Variants in SETX observed in about 807,000 individuals in gnomAD.
The protein encoded by SETX is senataxin, also known as helicase senataxin.
SETX carries 90 observed loss-of-function variants against 227.2 expected under a neutral mutation model. That is an observed-to-expected ratio of 0.40 (90% confidence interval 0.33 to 0.47). The LOEUF (loss-of-function observed/expected upper bound fraction) is 0.47. Ranked by LOEUF, SETX falls within the 20% of genes least tolerant of loss-of-function variation. The pLI, the probability that SETX is intolerant of heterozygous loss-of-function variation, is 0.91. For missense variants in SETX, 3,052 were observed against 3,181.5 expected (o/e 0.96, Z 0.98); for synonymous variants, 1,210 against 1,113.2 (o/e 1.09, Z -1.73).
chr9:132,264,967 G>A lies in SETX; in HGVS notation c.7306C>T (p.Gln2436Ter). Residue 2436 changes from glutamine to a stop codon, truncating the protein, a stop_gained, in exon 26 of 26, where the codon CAG becomes TAG. Coordinates refer to ENST00000224140, the MANE Select transcript of SETX (RefSeq NM_015046.7). LOFTEE classifies it low-confidence loss of function (END_TRUNC). ...CGCTTCTGAGCATCCTGAATCAGCTGATTCCAATGCTGGTTTTCCTTGAAA... is the reference window on the plus strand; with the variant it reads ...CGCTTCTGAGCATCCTGAATCAGCTAATTCCAATGCTGGTTTTCCTTGAAA... ...RTLMENQHWNQLIQDAQKRGA... is the reference protein window; with the variant it reads ...RTLMENQHWN 1.2e-6 allele frequency: 2 copies of A among 1,613,870 alleles called. No homozygotes were observed. Among genetic ancestry groups the A allele is most frequent in the South Asian group, 1.1e-5 (1 of 91,062 alleles).
At position 132,328,820 on chromosome 9, in the gene SETX, C is replaced by G; in HGVS notation, c.2778G>C (p.Glu926Asp). ...LMTVPESRDE[E>D]MSNSTSVIYS... ...AAATCACACTGGTACTATTACTCAT[C>G]TCCTCATCTCTTGATTCAGGTACAG... Residue 926 changes from glutamate (E) to aspartate (D), a missense_variant, in exon 10 of 26, where the codon GAG becomes GAC. Physicochemically the swap from Glu to Asp is conservative, Grantham distance 45. This residue lies in a region of SETX where 1,483 missense variants were observed against 1,312.0 expected (regional missense o/e 1.13). Transcript: ENST00000224140. 6.2e-7 allele frequency: 1 copy of G among 1,612,342 alleles called. No individual in the cohort carries two copies. The highest frequency in any genetic ancestry group is 8.5e-7 in the Non-Finnish European group (1 of 1,179,448).
At chr9:132,335,116 C>CAT (rs1554823005) in intron 6 of SETX, among the ~76,000 whole-genome samples, 6 of 151,864 alleles carry the variant, frequency 4.0e-5, no homozygotes, top group South Asian at 2.1e-4. Flanking sequence ...TGAGGCCGGG[C>CAT]GTGGTGGCTC....
At position 132,304,281 on chromosome 9, in the gene SETX, T is replaced by G. The variant is rs185237177; in HGVS notation, c.5375-3478A>C. Among the ~76,000 whole-genome samples, 27 of 152,198 alleles carry G rather than the reference T, an allele frequency of 1.8e-4. No homozygotes were observed. The East Asian group carries it at 4.8e-3, about 27-fold the overall frequency. ...CTGGCAGTACTTGAAACTCAAAGCT[T>G]CTGAGGGACAAGAGAAGAAGGGAGA... On this transcript the variant is annotated intron_variant, in intron 11 of 25. Transcript: ENST00000224140.
intron 17 of SETX, 112 bp downstream of exon 17, chr9:132,288,124 C>A: frequency 1.2e-6 from 1 of 820,746 alleles, no homozygotes. Flanking sequence ...TGCAGTGAGT[C>A]AGGATTGTGC....
intron 20 of SETX, among the ~76,000 whole-genome samples, chr9:132,280,317 A>G (rs1843428018): frequency 6.6e-6 from 1 of 152,198 alleles, no homozygotes; most frequent in Non-Finnish European, 1.5e-5. Flanking sequence ...GTTTTTATCA[A>G]TCATTGAAGT....
In SETX at chr9:132,271,795, C is replaced by T. The variant is rs150673589; in HGVS notation, c.7114G>A (p.Asp2372Asn). 3,077 of 1,613,594 alleles carry T rather than the reference C, an allele frequency of 1.9e-3. 37 individuals are homozygous for T. The Admixed American group carries it at 0.023, about 12-fold the overall frequency. The change falls in exon 24 of 26, where the codon GAC becomes AAC. Residue 2372 changes from aspartate to asparagine, a missense_variant. Coordinates refer to ENST00000224140, the MANE Select transcript of SETX (RefSeq NM_015046.7). ...EFDRKGPAEV[D>N]TVDAFQGRQK... ...CGACCCTGGAATGCATCCACAGTGT[C>T]TACTTCTGCTGGTCTATTTACAAAA...
rs1842464018 is a variant in SETX, at chr9:132,262,842, A to G, written c.*1397T>C. On this transcript the variant is annotated 3_prime_UTR_variant, in exon 26 of 26. Coordinates refer to ENST00000224140, the MANE Select transcript of SETX (RefSeq NM_015046.7). ...AATCTTCAGCTATTTTCCTACCCCC[A>G]AATGAGATATGGGGCTGCACAGCAT... The G allele has an allele frequency of 6.6e-6, 1 of 152,268 alleles. No individual in the cohort carries two copies. The highest frequency in any genetic ancestry group is 2.1e-4 in the South Asian group (1 of 4,836). The allele number at this position is 152,268 out of a possible 1,614,324, so 9.4% of individuals were successfully genotyped here.
chr9:132,285,123 C>T (rs1589643323), intron 18 of SETX, among the ~76,000 whole-genome samples: 3 of 152,020 alleles, frequency 2.0e-5, no homozygotes, highest in African/African-American at 4.8e-5. Flanking sequence ...GTGATCCGCC[C>T]GCCTCGGCCT....
At chr9:132,275,991 T>C (rs1331593982) in intron 22 of SETX, among the ~76,000 whole-genome samples, 1 of 152,108 alleles carries the variant, frequency 6.6e-6, no homozygotes, top group South Asian at 2.1e-4. Context: ...GTTCATGTCC[T>C]CTTTGTAGTC....
rs1843269972 is a variant in SETX, at chr9:132,278,074, T to C, written c.6838A>G (p.Asn2280Asp). 22 of 1,613,524 alleles carry C rather than the reference T, an allele frequency of 1.4e-5. No individual in the cohort carries two copies. Among genetic ancestry groups the C allele is most frequent in the Non-Finnish European group, 1.9e-5 (22 of 1,179,654 alleles). ...CAAACAATAAGGGGAACTCACCTAT[T>C]TGTTTTTAAGTTTCTGTTATAAACA... ...NYVYNRNLKT[N>D]RQTEAIRCSS... The change falls in exon 21 of 26, where the codon AAT becomes GAT. Residue 2280 changes from asparagine to aspartate, a missense_variant. Around this residue, in one of 10 missense-constraint regions of SETX, gnomAD observed 412 missense variants for 589.0 expected, o/e 0.70. Transcript: ENST00000224140.
intron 11 of SETX, among the ~76,000 whole-genome samples, chr9:132,307,890 GCTGGTCTCGAA>G (rs1283847758): frequency 6.6e-6 from 1 of 152,074 alleles, no homozygotes; most frequent in African/African-American, 2.4e-5. Flanking sequence ...TGTTGGCCAG[GCTGGTCTCGAA>G]CTCCTGACCT....
rs1162529178 is a variant in SETX at position 132,285,497 on chromosome 9, A to G, written c.6396+926T>C. 2.6e-5 allele frequency among the ~76,000 whole-genome samples: 4 copies of G among 152,158 alleles called. No homozygotes were observed. In the East Asian group the frequency reaches 7.8e-4, roughly 30 times the overall value. On this transcript the variant is annotated intron_variant, in intron 18 of 25. Transcript: ENST00000224140. ...CATGGTGGCTCACGCCTGTAATGCC[A>G]ACACTTTGGGAGGCCGAGACGGGGG... is the stretch of plus-strand genomic sequence containing the variant.
In SETX at chr9:132,298,149, T is replaced by C. The variant is rs750372437; in HGVS notation, c.5712A>G (p.Arg1904=). 43 of 1,613,986 alleles carry C rather than the reference T, an allele frequency of 2.7e-5. No individual in the cohort carries two copies. The highest frequency in any genetic ancestry group is 2.0e-4 in the Admixed American group (12 of 59,988). ...CCATAGGGTTTGGATTCAGAACAGC[T>C]CTAGCCAGTTGGTTCCGACTACCCA... ...SLLGSRNQLA[R]AVLNPNPMDF... is the part of the protein sequence containing the mutation. Residue 1904 remains arginine (R), a synonymous_variant, in exon 13 of 26, where the codon AGA becomes AGG. Transcript: ENST00000224140.
chr9:132,311,663 G>T, intron 11 of SETX, 94 bp downstream of exon 11: 1 of 860,852 alleles, frequency 1.2e-6, no homozygotes, highest in Non-Finnish European at 1.9e-6. Flanking sequence ...TAGAAAATTT[G>T]TGTCCCCCTA....
rs901437948 is a variant in SETX, at chr9:132,261,960, A to T, written c.*2279T>A. On this transcript the variant is annotated 3_prime_UTR_variant, in exon 26 of 26. Transcript: ENST00000224140. ...ACGCTGCGCTGACAGCCACATCAGG[A>T]GGGGCCACGGTGAACATAGGAAATG... is the stretch of plus-strand genomic sequence containing the variant. 1.9e-5 allele frequency: 3 copies of T among 154,460 alleles called. No homozygotes were observed. The highest frequency in any genetic ancestry group is 4.4e-5 in the Non-Finnish European group (3 of 68,228). 9.6% of individuals were successfully genotyped at this position (154,460 alleles called of 1,614,324 possible).
intron 5 of SETX, among the ~76,000 whole-genome samples, chr9:132,340,203 C>CT (rs970457743): frequency 2.0e-5 from 3 of 151,922 alleles, no homozygotes; most frequent in Admixed American, 6.6e-5. Context: ...CATTTTCTTT[C>CT]TTTTTTTTAA....
Position 132,261,686 on chromosome 9 carries a change from G to A in SETX, c.*2553C>T, listed in dbSNP as rs977446595. 1 of 153,038 alleles carries A rather than the reference G, an allele frequency of 6.5e-6. No homozygotes were observed. The highest frequency in any genetic ancestry group is 2.4e-5 in the African/African-American group (1 of 41,430). The allele number at this position is 153,038 out of a possible 1,614,324, so 9.5% of individuals were successfully genotyped here. On this transcript the variant is annotated 3_prime_UTR_variant, in exon 26 of 26. Coordinates refer to ENST00000224140, the MANE Select transcript of SETX (RefSeq NM_015046.7). ...ATTTTTGTTATAAAATTCATTTACA[G>A]GAGGTTATTCACATGTACTTGTCAA... is the stretch of plus-strand genomic sequence containing the variant.
Position 132,288,611 on chromosome 9 carries a change from T to C in SETX, c.6147A>G (p.Glu2049=). 2.5e-6 allele frequency: 4 copies of C among 1,613,880 alleles called. No individual in the cohort carries two copies. Among genetic ancestry groups the C allele is most frequent in the Non-Finnish European group, 3.4e-6 (4 of 1,179,852 alleles). ...TTAGAACCTCACTATTAATAGACTT[T>C]TCTGGACCCAGTCGTACTAAATTTA... ...GDINLVRLGP[E]KSINSEVLKF... is the part of the protein sequence containing the mutation. The change falls in exon 16 of 26, where the codon GAA becomes GAG. Residue 2049 remains glutamate, a synonymous_variant. Transcript: ENST00000224140.
At chr9:132,307,738 G>T (rs546034596) in intron 11 of SETX, among the ~76,000 whole-genome samples, 1 of 150,746 alleles carries the variant, frequency 6.6e-6, no homozygotes, top group Non-Finnish European at 1.5e-5. Context: ...GAGTGCAGTG[G>T]CACGATCTCG....
Sources: gnomAD v4.1 joint callset for allele counts (sites outside exome capture counted in the v4.1 genomes callset) on GRCh38, gnomAD v4.1.1 for gene constraint, gnomAD v4.1.1 regional missense constraint, MANE v1.5 for transcripts, NCBI Gene and HGNC (gene_info 2026-07-23, HGNC 2026-07-21) for gene names.